SDK1: variants seen among roughly 807,000 people sequenced by gnomAD.
SDK1 encodes sidekick cell adhesion molecule 1.
SDK1 carries 157 observed loss-of-function variants against 245.5 expected under a neutral mutation model. That is an observed-to-expected ratio of 0.64 (90% CI 0.56 to 0.73). The LOEUF is 0.73. Among genes scored for constraint, SDK1 ranks in the 30% least tolerant of loss-of-function variants. The pLI is 0.00. For synonymous variants in SDK1, 1,647 were observed against 1,278.5 expected, an observed-to-expected ratio of 1.29 and a Z score of -6.15; for missense variants, 3,583 against 3,002.3, an observed-to-expected ratio of 1.19 and a Z score of -4.52.
intron 1 of SDK1, among the ~76,000 whole-genome samples, chr7:3,508,982 G>A (rs945376384): frequency 6.6e-6 from 1 of 152,188 alleles, no homozygotes; most frequent in East Asian, 1.9e-4. Context: ...GAATGTTCTA[G>A]TAATATCTGT....
intron 28 of SDK1, among the ~76,000 whole-genome samples, chr7:4,137,720 G>C (rs573477844): frequency 6.6e-6 from 1 of 152,222 alleles, no homozygotes; most frequent in East Asian, 1.9e-4. Context: ...CTATTGATTC[G>C]GCCTGTTCAT....
intron 22 of SDK1, among the ~76,000 whole-genome samples, chr7:4,083,849 C>T (rs1417995461): frequency 6.8e-6 from 1 of 147,334 alleles, no homozygotes; most frequent in Non-Finnish European, 1.5e-5. Flanking sequence ...CTCTGTCTGT[C>T]TCCCTCCCTC....
At chr7:3,620,684 C>T (rs1008059258) in intron 2 of SDK1, among the ~76,000 whole-genome samples, 2 of 152,124 alleles carry the variant, frequency 1.3e-5, no homozygotes, top group African/African-American at 2.4e-5. Flanking sequence ...GTCAGAAGGC[C>T]TGGCTGCCTG....
chr7:3,492,919 A>T (rs1392354835), intron 1 of SDK1, among the ~76,000 whole-genome samples: 1 of 152,104 alleles, frequency 6.6e-6, no homozygotes, highest in Non-Finnish European at 1.5e-5. Context: ...TTATGCATGT[A>T]CTGTATTCAA....
intron 1 of SDK1, among the ~76,000 whole-genome samples, chr7:3,417,298 A>G (rs1400302919): frequency 1.3e-5 from 2 of 152,206 alleles, no homozygotes; most frequent in East Asian, 1.9e-4. Context: ...GAGGTGGGAC[A>G]TGGGCTGCCC....
intron 5 of SDK1, among the ~76,000 whole-genome samples, chr7:3,906,783 A>G (rs540890742): frequency 6.6e-5 from 10 of 152,034 alleles, no homozygotes; most frequent in Admixed American, 2.6e-4. Context: ...GCACGCCACC[A>G]TGTCCAGCTA....
intron 22 of SDK1, 28 bp from the exon 23 acceptor site, chr7:4,110,635 G>T: frequency 6.6e-7 from 1 of 1,504,680 alleles, no homozygotes. Context: ...GGCATGTCCA[G>T]CCCATCTCAG....
intron 33 of SDK1, among the ~76,000 whole-genome samples, chr7:4,174,914 G>A (rs549630523): frequency 6.6e-6 from 1 of 152,206 alleles, no homozygotes; most frequent in South Asian, 2.1e-4. Context: ...TTGGATGGAG[G>A]TTAGAGGGGG....
intron 5 of SDK1, among the ~76,000 whole-genome samples, chr7:3,854,537 T>A (rs1009342631): frequency 1.3e-5 from 2 of 152,212 alleles, no homozygotes; most frequent in Non-Finnish European, 2.9e-5. Flanking sequence ...AGCAACCATA[T>A]TCCGTAATGC....
intron 2 of SDK1, among the ~76,000 whole-genome samples, chr7:3,623,376 G>A (rs1024635259): frequency 6.6e-6 from 1 of 151,784 alleles, no homozygotes; most frequent in African/African-American, 2.4e-5. Flanking sequence ...GCGTAGCTGG[G>A]ACTACAGGCA....
At chr7:4,246,366 A>C (rs1786861903) in intron 44 of SDK1, among the ~76,000 whole-genome samples, 1 of 152,102 alleles carries the variant, frequency 6.6e-6, no homozygotes, top group Admixed American at 6.6e-5. Flanking sequence ...GGCTCAGGGA[A>C]GATCAGTAAC....
At chr7:3,695,974 C>T (rs1324567471) in intron 4 of SDK1, among the ~76,000 whole-genome samples, 3 of 152,122 alleles carry the variant, frequency 2.0e-5, no homozygotes, top group African/African-American at 7.2e-5. Flanking sequence ...GGCTTCCTGG[C>T]ATCTTCTTTT....
intron 4 of SDK1, among the ~76,000 whole-genome samples, chr7:3,775,865 C>T (rs976245233): frequency 1.3e-4 from 20 of 152,302 alleles, no homozygotes; most frequent in African/African-American, 2.2e-4. Context: ...CGTGAGCCAC[C>T]GCGCCCGGCC....
At chr7:3,853,779 A>G (rs1281811162) in intron 5 of SDK1, among the ~76,000 whole-genome samples, 1 of 152,100 alleles carries the variant, frequency 6.6e-6, no homozygotes, top group Non-Finnish European at 1.5e-5. Context: ...TCACGAGGTC[A>G]AGACATTGAG....
At chr7:3,401,496 CA>C (rs1778886170) in intron 1 of SDK1, among the ~76,000 whole-genome samples, 1 of 152,068 alleles carries the variant, frequency 6.6e-6, no homozygotes, top group Non-Finnish European at 1.5e-5. Flanking sequence ...GTATGGAACC[CA>C]TAGGACTTCA....
rs564131102 is a variant in SDK1, at chr7:3,536,542, A to G, written c.299-82538A>G. 8.5e-5 allele frequency among the ~76,000 whole-genome samples: 13 copies of G among 152,096 alleles called. No individual in the cohort carries two copies. In the East Asian group the frequency reaches 1.9e-3, roughly 23 times the overall value. ...AAAACAAAACAAAAAAACCCCACAA[A>G]AATTAGCCAGGCATGGTGGCTCACC... On this transcript the variant is annotated intron_variant, in intron 1 of 44. Coordinates refer to ENST00000404826, the MANE Select transcript of SDK1 (RefSeq NM_152744.4).
intron 4 of SDK1, among the ~76,000 whole-genome samples, chr7:3,818,068 T>C (rs1003057889): frequency 6.6e-6 from 1 of 152,248 alleles, no homozygotes; most frequent in East Asian, 1.9e-4. Context: ...ATCCATATTG[T>C]ACTCAGTTAT....
At chr7:3,515,696 A>G (rs1268767095) in intron 1 of SDK1, among the ~76,000 whole-genome samples, 2 of 152,222 alleles carry the variant, frequency 1.3e-5, no homozygotes, top group Non-Finnish European at 2.9e-5. Flanking sequence ...TTAGCCAAAG[A>G]GAAATGTTGA....
At chr7:3,377,890 T>C (rs1049437282) in intron 1 of SDK1, among the ~76,000 whole-genome samples, 4 of 152,158 alleles carry the variant, frequency 2.6e-5, no homozygotes, top group East Asian at 1.9e-4. Context: ...GCAATTCTCC[T>C]GCGTCAGCCT....
Sources: gnomAD v4.1 joint callset for allele counts (sites outside exome capture counted in the v4.1 genomes callset) on GRCh38, gnomAD v4.1.1 for gene constraint, MANE v1.5 for transcripts, NCBI Gene and HGNC (gene_info 2026-07-23, HGNC 2026-07-21) for gene names.